Variants in CEP128 observed in about 807,000 individuals in gnomAD.
CEP128 encodes centrosomal protein 128.
In CEP128, 132 loss-of-function variants were observed where a neutral mutation model predicts 156.7. The observed-to-expected ratio is 0.84, with a 90% confidence interval of 0.73 to 0.97. The LOEUF is 0.97. Among genes scored for constraint, CEP128 ranks in the 50% least tolerant of loss-of-function variants. The pLI is 0.00. For missense variants in CEP128, 1,252 were observed against 1,281.9 expected (o/e 0.98, Z 0.36); for synonymous variants, 469 against 448.9 (o/e 1.04, Z -0.57).
chr14:80,553,211 T>G (rs546469908), intron 21 of CEP128, among the ~76,000 whole-genome samples: 202 of 152,222 alleles, frequency 1.3e-3, no homozygotes, highest in African/African-American at 4.6e-3. Context: ...AAGCCCCACA[T>G]GCATTAGATA....
Position 80,785,510 on chromosome 14 carries a change from C to T in CEP128, c.1596G>A (p.Leu532=). The change falls in exon 15 of 25, where the codon CTG becomes CTA. Residue 532 remains leucine (L), a synonymous_variant. Coordinates refer to ENST00000555265, the MANE Select transcript of CEP128 (RefSeq NM_152446.5). The stretch of plus-strand genomic sequence containing the variant: ...TCTCTATTTGTTGTAATGCTGCATA[C>T]AGCTGGGTTTTCAATTCATCCTTTT... The part of the protein sequence containing the change: ...LKEKDELKTQ[L]YAALQQIENL... 2 of 1,611,976 alleles carry T rather than the reference C, an allele frequency of 1.2e-6. No individual in the cohort carries two copies. Among genetic ancestry groups the T allele is most frequent in the Non-Finnish European group, 1.7e-6 (2 of 1,179,126 alleles).
chr14:80,872,894 CAACAATGTTATT>C (rs1888097171), intron 8 of CEP128, among the ~76,000 whole-genome samples: 3 of 152,110 alleles, frequency 2.0e-5, no homozygotes, highest in Non-Finnish European at 4.4e-5. Context: ...TTCTTAATTC[CAACAATGTTATT>C]ATTAAGTTTC....
intron 13 of CEP128, among the ~76,000 whole-genome samples, chr14:80,824,364 A>G (rs1345552020): frequency 1.3e-5 from 2 of 152,230 alleles, no homozygotes; most frequent in Non-Finnish European, 2.9e-5. Context: ...TTCTGCAGCC[A>G]GCTTGAATTT....
At chr14:80,533,805 A>G (rs557325626) in intron 21 of CEP128, among the ~76,000 whole-genome samples, 1 of 152,286 alleles carries the variant, frequency 6.6e-6, no homozygotes, top group Non-Finnish European at 1.5e-5. Context: ...TTTCTGGTAC[A>G]CATACCTTTC....
At chr14:80,591,092 G>A (rs550104553) in intron 19 of CEP128, among the ~76,000 whole-genome samples, 4 of 152,116 alleles carry the variant, frequency 2.6e-5, no homozygotes, top group Admixed American at 1.3e-4. Context: ...GGAAGAAACT[G>A]CATCAACTAA....
chr14:80,784,035 T>C (rs1901263651), intron 15 of CEP128, among the ~76,000 whole-genome samples: 1 of 152,178 alleles, frequency 6.6e-6, no homozygotes, highest in South Asian at 2.1e-4. Context: ...ATAAGCATTT[T>C]GAAAGTAGTA....
chr14:80,485,404 T>G (rs571835809), intron 14 of CEP128, among the ~76,000 whole-genome samples: 16 of 152,196 alleles, frequency 1.1e-4, no homozygotes, highest in Non-Finnish European at 2.2e-4. Flanking sequence ...ATTTCATTCC[T>G]TTTTCTGAGA....
chr14:80,598,488 T>C (rs1372512415), intron 19 of CEP128, among the ~76,000 whole-genome samples: 1 of 152,144 alleles, frequency 6.6e-6, no homozygotes, highest in Non-Finnish European at 1.5e-5. Context: ...AAACAAATTA[T>C]AAGACGTACT....
downstream of CEP128, among the ~76,000 whole-genome samples, chr14:80,488,514 G>A (rs1250317333): frequency 3.3e-5 from 5 of 150,850 alleles, no homozygotes; most frequent in Non-Finnish European, 7.4e-5. Flanking sequence ...GGAGAAATAG[G>A]AACACTTTTA....
chr14:80,512,318 ATATGATAACCTTGTC>A (rs1305861345), intron 23 of CEP128, among the ~76,000 whole-genome samples: 13 of 152,160 alleles, frequency 8.5e-5, no homozygotes, highest in African/African-American at 3.1e-4. Flanking sequence ...CTTTATCATT[ATATGATAACCTTGTC>A]TATGATAACC....
chr14:80,695,081 T>C (rs938032711), intron 19 of CEP128, among the ~76,000 whole-genome samples: 4 of 151,974 alleles, frequency 2.6e-5, no homozygotes, highest in African/African-American at 9.7e-5. Flanking sequence ...ACAGTGGAGA[T>C]GTTTCCAAGG....
At chr14:80,717,183 T>C (rs1195590312) in intron 19 of CEP128, among the ~76,000 whole-genome samples, 1 of 152,202 alleles carries the variant, frequency 6.6e-6, no homozygotes, top group East Asian at 1.9e-4. Flanking sequence ...GCACACAAGT[T>C]GTTAGCTCTT....
chr14:80,817,867 A>G (rs1198234090), intron 13 of CEP128, among the ~76,000 whole-genome samples: 1 of 150,654 alleles, frequency 6.6e-6, no homozygotes, highest in East Asian at 1.9e-4. Flanking sequence ...GTGACAGAGA[A>G]GAAAAAAAAA....
chr14:80,773,598 T>C (rs1900631593), intron 16 of CEP128, among the ~76,000 whole-genome samples: 1 of 152,168 alleles, frequency 6.6e-6, no homozygotes, highest in Admixed American at 6.5e-5. Flanking sequence ...ATTTTTTTAA[T>C]TACATAGGGT....
intron 23 of CEP128, among the ~76,000 whole-genome samples, chr14:80,513,480 T>G (rs905923686): frequency 2.6e-5 from 4 of 152,210 alleles, no homozygotes; most frequent in African/African-American, 9.6e-5. Context: ...TTCTATAACC[T>G]TCCCGTACTT....
intron 17 of CEP128, among the ~76,000 whole-genome samples, chr14:80,758,842 G>A (rs1241463647): frequency 6.6e-6 from 1 of 152,138 alleles, no homozygotes; most frequent in Admixed American, 6.5e-5. Flanking sequence ...TCTTCTCAAT[G>A]AGCCAACTTA....
chr14:80,514,531 C>A (rs748869417), intron 23 of CEP128: 37 of 213,158 alleles, frequency 1.7e-4, no homozygotes, highest in Non-Finnish European at 3.1e-4. Flanking sequence ...TTCAGTATGT[C>A]AATTAAATTT....
chr14:80,642,682 GA>G (rs1470949843), intron 19 of CEP128, among the ~76,000 whole-genome samples: 1 of 151,922 alleles, frequency 6.6e-6, no homozygotes. Context: ...AAGAAAAAGA[GA>G]GAGAGAGAGA....
At chr14:80,734,578 G>T (rs1000700010) in intron 19 of CEP128, among the ~76,000 whole-genome samples, 1 of 151,938 alleles carries the variant, frequency 6.6e-6, no homozygotes, top group Admixed American at 6.6e-5. Context: ...GGCTGGGCAC[G>T]GTGGCTCACA....
Sources: allele counts gnomAD v4.1 joint callset (sites outside exome capture counted in the v4.1 genomes callset), GRCh38; gene constraint gnomAD v4.1.1; transcripts MANE v1.5; gene names NCBI Gene and HGNC (gene_info 2026-07-23, HGNC 2026-07-21).